Variants in TACR3 observed in about 807,000 individuals in gnomAD.
TACR3 encodes tachykinin receptor 3.
Under a neutral mutation model 35.0 loss-of-function variants are expected in TACR3, and 34 were observed. That is an observed-to-expected ratio of 0.97 (90% CI 0.74 to 1.30). The LOEUF is 1.30. TACR3 is among the 50% of genes most tolerant of loss of function. TACR3 has a pLI of 0.00. For missense variants in TACR3, 558 were observed against 591.7 expected, an observed-to-expected ratio of 0.94 and a Z score of 0.59; for synonymous variants, 233 against 221.1, an observed-to-expected ratio of 1.05 and a Z score of -0.48.
intron 1 of TACR3, among the ~76,000 whole-genome samples, chr4:103,716,987 T>C (rs1723105715): frequency 6.6e-6 from 1 of 152,174 alleles, no homozygotes. Flanking sequence ...AAATATATCC[T>C]ATAAAATGAT....
Position 103,719,879 on chromosome 4 carries a change from T to A in TACR3, c.-204A>T. 3.1e-6 allele frequency: 2 copies of A among 638,828 alleles called. No individual in the cohort carries two copies. Among genetic ancestry groups the A allele is most frequent in the Non-Finnish European group, 5.4e-6 (2 of 372,692 alleles). The allele number at this position is 638,828 out of a possible 1,614,324, so 39.6% of individuals were successfully genotyped here. A position where few individuals can be genotyped will look rare whatever the true frequency, so the allele number is the denominator to read the frequency against. The stretch of plus-strand genomic sequence containing the variant: ...AACAGCTGCACTTTCTCAGAGGCGC[T>A]TGCGGCTCTGGCAGGCAGAAAGAAT... On this transcript the variant is annotated 5_prime_UTR_variant, in exon 1 of 5. The change creates a new upstream start codon in the 5' untranslated region. Transcript: ENST00000304883.
intron 1 of TACR3, among the ~76,000 whole-genome samples, chr4:103,671,493 A>G (rs1726056495): frequency 6.6e-6 from 1 of 151,716 alleles, no homozygotes; most frequent in Admixed American, 6.6e-5. Flanking sequence ...TAGGTTTTCT[A>G]TTTCTTTATG....
chr4:103,717,637 T>C (rs1723120416), intron 1 of TACR3, among the ~76,000 whole-genome samples: 1 of 152,108 alleles, frequency 6.6e-6, no homozygotes, highest in Non-Finnish European at 1.5e-5. Context: ...TTTATAACAT[T>C]ATATGCTAAT....
Position 103,719,112 on chromosome 4 carries a change from T to C in TACR3, c.548+16A>G. On this transcript the variant is annotated intron_variant, in intron 1 of 4. Transcript: ENST00000304883. ...TTCCCTTCTCCCTCTTTCCTCTCTGTCTGTCCTCTCCTCACCTGTCCACCG... is the reference window on the plus strand; with the variant it reads ...TTCCCTTCTCCCTCTTTCCTCTCTGCCTGTCCTCTCCTCACCTGTCCACCG... The C allele has an allele frequency of 6.2e-7, 1 of 1,614,150 alleles. No individual in the cohort carries two copies. Among genetic ancestry groups the C allele is most frequent in the South Asian group, 1.1e-5 (1 of 91,066 alleles).
intron 3 of TACR3, among the ~76,000 whole-genome samples, chr4:103,613,077 G>A (rs946197500): frequency 2.5e-4 from 38 of 151,954 alleles, no homozygotes; most frequent in African/African-American, 8.2e-4. Context: ...AATAATATAC[G>A]GATAGTTTTG....
intron 3 of TACR3, among the ~76,000 whole-genome samples, chr4:103,594,153 T>A (rs1402712124): frequency 1.3e-5 from 2 of 150,644 alleles, no homozygotes; most frequent in Non-Finnish European, 2.9e-5. Context: ...GCAAACAAAT[T>A]TAAAAAGAGA....
intron 3 of TACR3, among the ~76,000 whole-genome samples, chr4:103,639,016 G>T (rs1683163844): frequency 6.6e-6 from 1 of 152,148 alleles, no homozygotes; most frequent in African/African-American, 2.4e-5. Flanking sequence ...TTCAACCATT[G>T]TGGAAGTCGG....
At chr4:103,680,200 A>T (rs1225192643) in intron 1 of TACR3, among the ~76,000 whole-genome samples, 1 of 151,692 alleles carries the variant, frequency 6.6e-6, no homozygotes, top group Non-Finnish European at 1.5e-5. Context: ...ATAAACAATA[A>T]AAAAAGCCCA....
chr4:103,663,209 A>C (rs1308568771), intron 1 of TACR3, among the ~76,000 whole-genome samples: 1 of 152,154 alleles, frequency 6.6e-6, no homozygotes, highest in Non-Finnish European at 1.5e-5. Context: ...GAATGGAAGC[A>C]AATGTTGGGC....
chr4:103,639,442 G>A (rs1372306032), intron 3 of TACR3, among the ~76,000 whole-genome samples: 1 of 152,044 alleles, frequency 6.6e-6, no homozygotes, highest in Non-Finnish European at 1.5e-5. Flanking sequence ...GGACTGTTGT[G>A]GGGTGGGGAG....
chr4:103,646,615 A>G (rs1725461490), intron 3 of TACR3, among the ~76,000 whole-genome samples: 1 of 151,910 alleles, frequency 6.6e-6, no homozygotes, highest in East Asian at 1.9e-4. Flanking sequence ...GTCAGTAGGG[A>G]GTCATTTGTG....
At chr4:103,606,072 T>G (rs1724354728) in intron 3 of TACR3, among the ~76,000 whole-genome samples, 1 of 152,042 alleles carries the variant, frequency 6.6e-6, no homozygotes, top group African/African-American at 2.4e-5. Flanking sequence ...CACCATTGAT[T>G]AAATAGGGAA....
chr4:103,704,834 T>C (rs1722748542), intron 1 of TACR3, among the ~76,000 whole-genome samples: 1 of 152,186 alleles, frequency 6.6e-6, no homozygotes, highest in Non-Finnish European at 1.5e-5. Flanking sequence ...ATTAGGACAC[T>C]ATAGCAAGAA....
chr4:103,590,437 G>A (rs7659455), intron 4 of TACR3, among the ~76,000 whole-genome samples: 114,432 of 152,114 alleles, frequency 0.75, 43,389 homozygotes, highest in East Asian at 0.98. Flanking sequence ...TTAAAGTCTC[G>A]TTTAATGTTA....
intron 3 of TACR3, among the ~76,000 whole-genome samples, chr4:103,639,032 T>G (rs1442644871): frequency 1.3e-5 from 2 of 152,036 alleles, no homozygotes; most frequent in African/African-American, 2.4e-5. Flanking sequence ...GTCGGTGTGG[T>G]GATTCCTCAG....
At chr4:103,626,784 T>C (rs944850385) in intron 3 of TACR3, among the ~76,000 whole-genome samples, 1 of 151,856 alleles carries the variant, frequency 6.6e-6, no homozygotes, top group African/African-American at 2.4e-5. Context: ...AAATGCATGG[T>C]ATAATTTCTT....
At chr4:103,691,698 AC>A (rs1722404960) in intron 1 of TACR3, among the ~76,000 whole-genome samples, 1 of 152,162 alleles carries the variant, frequency 6.6e-6, no homozygotes, top group African/African-American at 2.4e-5. Flanking sequence ...TTGTGGGTTT[AC>A]GGGAATGAGG....
chr4:103,696,444 A>AG (rs1359660739), intron 1 of TACR3, among the ~76,000 whole-genome samples: 1 of 152,190 alleles, frequency 6.6e-6, no homozygotes, highest in Non-Finnish European at 1.5e-5. Flanking sequence ...GTAAAAAAAA[A>AG]GTATCACAAA....
chr4:103,688,186 G>A (rs1270885907), intron 1 of TACR3, among the ~76,000 whole-genome samples: 1 of 152,146 alleles, frequency 6.6e-6, no homozygotes, highest in Non-Finnish European at 1.5e-5. Context: ...GGGAAAACTG[G>A]CTAGCCATAT....
Sources: allele counts gnomAD v4.1 joint callset (sites outside exome capture counted in the v4.1 genomes callset), GRCh38; gene constraint gnomAD v4.1.1; transcripts MANE v1.5; gene names NCBI Gene and HGNC (gene_info 2026-07-23, HGNC 2026-07-21).